PCBP3: variants seen among roughly 807,000 people sequenced by gnomAD.
PCBP3 encodes poly(rC)-binding protein 3.
Under a neutral mutation model 52.7 loss-of-function variants are expected in PCBP3, and 25 were observed. The observed-to-expected ratio is 0.47, with a 90% confidence interval of 0.35 to 0.66. The LOEUF (loss-of-function observed/expected upper bound fraction) is 0.66, where lower values mean the gene tolerates loss of function less well. PCBP3 is among the 30% of genes least tolerant of loss of function. PCBP3 has a pLI of 0.01. For missense variants in PCBP3, 391 were observed against 490.3 expected, an observed-to-expected ratio of 0.80 and a Z score of 1.91; for synonymous variants, 162 against 183.0, an observed-to-expected ratio of 0.89 and a Z score of 0.93.
At chr21:45,785,152 C>A (rs2091013817) in intron 4 of PCBP3, among the ~76,000 whole-genome samples, 1 of 151,672 alleles carries the variant, frequency 6.6e-6, no homozygotes, top group Non-Finnish European at 1.5e-5. Flanking sequence ...TGGCAACCGC[C>A]CTGTCTGAGA....
chr21:45,707,044 C>G (rs2083491721), intron 2 of PCBP3, among the ~76,000 whole-genome samples: 1 of 152,166 alleles, frequency 6.6e-6, no homozygotes, highest in Non-Finnish European at 1.5e-5. Context: ...TCTGCTTGCT[C>G]TTCATGCTGA....
At chr21:45,722,848 T>A (rs967794172) in intron 2 of PCBP3, among the ~76,000 whole-genome samples, 2 of 149,754 alleles carry the variant, frequency 1.3e-5, no homozygotes, top group Admixed American at 6.7e-5. Flanking sequence ...CTGAAAATAT[T>A]AAAAAAAAAC....
At chr21:45,733,452 A>G (rs1220782503) in intron 2 of PCBP3, among the ~76,000 whole-genome samples, 1 of 151,758 alleles carries the variant, frequency 6.6e-6, no homozygotes, top group African/African-American at 2.4e-5. Flanking sequence ...ATGCCTGGCT[A>G]ATTTTTTTGT....
chr21:45,786,813 G>C (rs2091198236), intron 4 of PCBP3, among the ~76,000 whole-genome samples: 2 of 152,190 alleles, frequency 1.3e-5, no homozygotes, highest in African/African-American at 2.4e-5. Flanking sequence ...ACTGCTCCTA[G>C]GAACACAGAA....
intron 4 of PCBP3, among the ~76,000 whole-genome samples, chr21:45,784,403 TCTACCG>T (rs141071522): frequency 0.046 from 5,377 of 117,590 alleles, 188 homozygotes; most frequent in Middle Eastern, 0.07. Context: ...TACCGCTACC[TCTACCG>T]CTACCGCTAC....
At chr21:45,648,339 C>T (rs2146754951) in intron 1 of PCBP3, among the ~76,000 whole-genome samples, 1 of 152,278 alleles carries the variant, frequency 6.6e-6, no homozygotes, top group Non-Finnish European at 1.5e-5. Flanking sequence ...AATGATGGAG[C>T]TGCCACTTGG....
At chr21:45,753,142 A>AG (rs2146373757) in intron 3 of PCBP3, among the ~76,000 whole-genome samples, 1 of 150,158 alleles carries the variant, frequency 6.7e-6, no homozygotes, top group East Asian at 1.9e-4. Flanking sequence ...AAAAAAAAAA[A>AG]AAAAAAAAAA....
chr21:45,754,407 G>A lies in PCBP3; in HGVS notation c.-161-1010G>A, dbSNP rs117862084. Among the ~76,000 whole-genome samples, 434 of 152,210 alleles carry A rather than the reference G, an allele frequency of 2.9e-3. 1 individual carries two copies. The highest frequency in any genetic ancestry group is 4.8e-3 in the Non-Finnish European group (328 of 68,016). On this transcript the variant is annotated intron_variant, in intron 3 of 17. Transcript: ENST00000681687. ...TTTGATTTTGGTGATTAATCTCAGC[G>A]TCTCGTTTCTTTTGCTTCGGTTGTT...
Position 45,695,329 on chromosome 21 carries a change from T to A in PCBP3, c.-200+26377T>A, listed in dbSNP as rs972588955. ...TAGAGGAAGGGGCTTCTCTTCCAGG[T>A]TTCAGGGCTTTTGTTCTTGTTTGAT... is the stretch of plus-strand genomic sequence containing the variant. On this transcript the variant is annotated intron_variant, in intron 2 of 17. Coordinates refer to ENST00000681687, the MANE Select transcript of PCBP3 (RefSeq NM_001384156.1). Among the ~76,000 whole-genome samples, 5 of 152,284 alleles carry A rather than the reference T, an allele frequency of 3.3e-5. No homozygotes were observed. The East Asian group carries it at 9.6e-4, about 29-fold the overall frequency.
intron 4 of PCBP3, among the ~76,000 whole-genome samples, chr21:45,780,344 T>C (rs938544217): frequency 6.6e-6 from 1 of 152,228 alleles, no homozygotes; most frequent in African/African-American, 2.4e-5. Context: ...GATATTGAAG[T>C]CTCTCTCTGG....
Position 45,817,428 on chromosome 21 carries a change from A to G in PCBP3, c.-125-32533A>G, listed in dbSNP as rs1016929471. On this transcript the variant is annotated intron_variant, in intron 4 of 17. Transcript: ENST00000681687. This position sits in a 1 kb window ranked among gnomAD's most constrained non-coding sequence, Gnocchi z 4.3. ...CTCATGGAGTCCTTGCGTGCACAGC[A>G]TAGTATTTGGCCAACATCTTCCTGC... Among the ~76,000 whole-genome samples, 16 of 152,290 alleles carry G rather than the reference A, an allele frequency of 1.1e-4. No homozygotes were observed. Among genetic ancestry groups the G allele is most frequent in the African/African-American group, 3.6e-4 (15 of 41,556 alleles).
chr21:45,917,588 G>A lies in PCBP3; in HGVS notation c.676G>A (p.Ala226Thr). The A allele has an allele frequency of 6.2e-7, 1 of 1,612,714 alleles. No individual in the cohort carries two copies. The highest frequency in any genetic ancestry group is 8.5e-7 in the Non-Finnish European group (1 of 1,179,134). The change falls in exon 13 of 18, where the codon GCC becomes ACC. Residue 226 changes from alanine to threonine, a missense_variant and splice_region_variant. Ala to Thr is a moderately conservative substitution (Grantham distance 58). Transcript: ENST00000681687. The surrounding 1 kb of genome is among the most constrained non-coding windows in gnomAD (Gnocchi z 5.3). ...TGACGGGGTCTCTCTCTCTCTCTAG[G>A]CCTACACAATCCAGGGACAGTATGC... Reference protein sequence around the residue: ...STPVIFAGGQAYTIQGQYAIP... With the variant: ...STPVIFAGGQTYTIQGQYAIP...
chr21:45,811,372 A>G (rs1026633086), intron 4 of PCBP3, among the ~76,000 whole-genome samples: 2 of 152,194 alleles, frequency 1.3e-5, no homozygotes, highest in African/African-American at 4.8e-5. Context: ...GCTCCCGTTC[A>G]TCTGCTCCTG....
In PCBP3 at chr21:45,800,972, C is replaced by T. The variant is rs1007879655; in HGVS notation, c.-126+45520C>T. Among the ~76,000 whole-genome samples, 6 of 152,322 alleles carry T rather than the reference C, an allele frequency of 3.9e-5. No homozygotes were observed. Among genetic ancestry groups the T allele is most frequent in the Admixed American group, 6.5e-5 (1 of 15,312 alleles). ...CCCGCCTCCTCCAGGACTTGTTGCC[C>T]GTTCTGCGTGGCCACCCGTTCTTGC... On this transcript the variant is annotated intron_variant, in intron 4 of 17. Transcript: ENST00000681687. This position sits in a 1 kb window ranked among gnomAD's most constrained non-coding sequence, Gnocchi z 5.3.
At chr21:45,695,454 C>T (rs1483908678) in intron 2 of PCBP3, among the ~76,000 whole-genome samples, 1 of 152,172 alleles carries the variant, frequency 6.6e-6, no homozygotes, top group Admixed American at 6.5e-5. Context: ...TGGCTCCAGC[C>T]TCAAGTACCT....
chr21:45,744,944 G>A (rs1041573646), intron 3 of PCBP3, among the ~76,000 whole-genome samples: 1 of 152,170 alleles, frequency 6.6e-6, no homozygotes, highest in African/African-American at 2.4e-5. Flanking sequence ...GGTCAGAGAG[G>A]GACTGGGCCC....
rs2148767825 is a variant in PCBP3 at position 45,880,145 on chromosome 21, T to A, written c.11-16063T>A. On this transcript the variant is annotated intron_variant, in intron 5 of 17. Transcript: ENST00000681687. The surrounding 1 kb of genome is among the most constrained non-coding windows in gnomAD (Gnocchi z 5.4). ...ATCCTTTTTATTGACAAGACGTTCCTGTCGTGAGTGGTTTTCCTCTGGCCT... is the reference window on the plus strand; with the variant it reads ...ATCCTTTTTATTGACAAGACGTTCCAGTCGTGAGTGGTTTTCCTCTGGCCT... Among the ~76,000 whole-genome samples, 1 of 152,350 alleles carries A rather than the reference T, an allele frequency of 6.6e-6. No homozygotes were observed. Among genetic ancestry groups the A allele is most frequent in the Middle Eastern group, 3.4e-3 (1 of 294 alleles).
intron 3 of PCBP3, among the ~76,000 whole-genome samples, chr21:45,747,159 C>G (rs1260939234): frequency 6.6e-6 from 1 of 152,182 alleles, no homozygotes; most frequent in Non-Finnish European, 1.5e-5. Context: ...AAAGGTGCAT[C>G]TTACATGGTG....
chr21:45,813,246 C>T (rs1453042918), intron 4 of PCBP3, among the ~76,000 whole-genome samples: 1 of 152,064 alleles, frequency 6.6e-6, no homozygotes, highest in East Asian at 1.9e-4. Flanking sequence ...GTTTGAATAG[C>T]GTCTGTTGAT....
Sources: gnomAD v4.1 joint callset for allele counts (sites outside exome capture counted in the v4.1 genomes callset) on GRCh38, gnomAD v4.1.1 for gene constraint, Gnocchi (gnomAD v3.1) non-coding constraint, MANE v1.5 for transcripts, NCBI Gene and HGNC (gene_info 2026-07-23, HGNC 2026-07-21) for gene names.